Variants in WDR37 observed in about 807,000 individuals in gnomAD.
The protein encoded by WDR37 is WD repeat-containing protein 37.
WDR37 carries 19 observed loss-of-function variants against 62.9 expected under a neutral mutation model. That is an observed-to-expected ratio of 0.30 (90% CI 0.21 to 0.44). WDR37 has a LOEUF of 0.44. Among genes scored for constraint, WDR37 ranks in the 20% least tolerant of loss-of-function variants. The pLI is 1.00. For synonymous variants in WDR37, 250 were observed against 260.9 expected (o/e 0.96, Z 0.40); for missense variants, 474 against 657.6 (o/e 0.72, Z 3.05).
chr10:1,081,926 A>G (rs1834041098), intron 5 of WDR37, among the ~76,000 whole-genome samples: 2 of 152,232 alleles, frequency 1.3e-5, no homozygotes, highest in South Asian at 4.1e-4. Flanking sequence ...GTAAAAAATA[A>G]GATTTGGACA....
At chr10:1,128,759 G>T (rs897445958) in intron 13 of WDR37, among the ~76,000 whole-genome samples, 6 of 152,082 alleles carry the variant, frequency 3.9e-5, no homozygotes, top group Admixed American at 1.3e-4. Flanking sequence ...TGGTGTCTCG[G>T]CATCACTCAT....
At chr10:1,095,336 TAGAG>T (rs1248956362) in intron 8 of WDR37, among the ~76,000 whole-genome samples, 1 of 130,564 alleles carries the variant, frequency 7.7e-6, no homozygotes, top group East Asian at 2.2e-4. Flanking sequence ...GTAATGGGGA[TAGAG>T]AGGAGAGTTA....
In WDR37 at chr10:1,084,519, G is replaced by A; in HGVS notation, c.513G>A (p.Val171=). 6.2e-7 allele frequency: 1 copy of A among 1,614,142 alleles called. No individual in the cohort carries two copies. Among genetic ancestry groups the A allele is most frequent in the Non-Finnish European group, 8.5e-7 (1 of 1,179,996 alleles). ...GCGTGGCCAAGACACAGCCAGTGGT[G>A]CTCGGGACTGCATCAGCCGGTGAGT... ...DVSVAKTQPV[V]LGTASADHTA... is the part of the protein sequence containing the mutation. The change falls in exon 6 of 14, where the codon GTG becomes GTA. Residue 171 remains valine, a synonymous_variant. Transcript: ENST00000263150.
chr10:1,124,306 A>G lies in WDR37; in HGVS notation c.1192A>G (p.Met398Val). Residue 398 changes from methionine (M) to valine (V), a missense_variant, in exon 12 of 14, where the codon ATG becomes GTG. Coordinates refer to ENST00000263150, the MANE Select transcript of WDR37 (RefSeq NM_014023.4). The stretch of plus-strand genomic sequence containing the variant: ...GGTGAAAGTCTGGGACTTGAAAAAT[A>G]TGAGATCCCCCATTGCAACTATTCG... ...RTVKVWDLKN[M>V]RSPIATIRTD... 6.2e-7 allele frequency: 1 copy of G among 1,614,242 alleles called. No individual in the cohort carries two copies. The highest frequency in any genetic ancestry group is 8.5e-7 in the Non-Finnish European group (1 of 1,180,046).
intron 9 of WDR37, among the ~76,000 whole-genome samples, chr10:1,100,317 C>G (rs1388584101): frequency 6.6e-6 from 1 of 152,058 alleles, no homozygotes; most frequent in African/African-American, 2.4e-5. Context: ...TGGGCCCTCC[C>G]TAATAAGGAG....
At chr10:1,093,035 A>G (rs1311336232) in intron 7 of WDR37, among the ~76,000 whole-genome samples, 1 of 152,082 alleles carries the variant, frequency 6.6e-6, no homozygotes, top group Non-Finnish European at 1.5e-5. Context: ...TAGTCACAGA[A>G]CAGACTGGGG....
intron 1 of WDR37, among the ~76,000 whole-genome samples, chr10:1,067,491 G>A (rs950413766): frequency 1.1e-4 from 16 of 152,132 alleles, no homozygotes; most frequent in Admixed American, 5.9e-4. Flanking sequence ...GCAACAGATT[G>A]GGAGAAATGA....
chr10:1,068,684 G>C (rs1213483375), intron 1 of WDR37, among the ~76,000 whole-genome samples: 2 of 152,060 alleles, frequency 1.3e-5, no homozygotes, highest in Admixed American at 6.5e-5. Context: ...CTGATAGTTT[G>C]ACACTCTTAG....
intron 6 of WDR37, among the ~76,000 whole-genome samples, chr10:1,085,474 G>A (rs1360969436): frequency 1.3e-5 from 2 of 152,202 alleles, no homozygotes; most frequent in Non-Finnish European, 2.9e-5. Flanking sequence ...AGTGTGGAAA[G>A]TGACCCTTTG....
chr10:1,126,721 T>C (rs1835795804), intron 13 of WDR37, among the ~76,000 whole-genome samples: 2 of 152,020 alleles, frequency 1.3e-5, no homozygotes, highest in South Asian at 2.1e-4. Flanking sequence ...GGCCGGGTGG[T>C]CAGGGAGGCA....
At chr10:1,080,329 T>C in intron 4 of WDR37, 83 bp from the exon 5 acceptor site, 1 of 1,564,334 alleles carries the variant, frequency 6.4e-7, no homozygotes, top group Non-Finnish European at 8.8e-7. Flanking sequence ...CCTTTCTTCC[T>C]GTGCAAGACA....
At chr10:1,087,171 A>T (rs148651711) in intron 7 of WDR37, among the ~76,000 whole-genome samples, 2 of 152,102 alleles carry the variant, frequency 1.3e-5, no homozygotes, top group African/African-American at 4.8e-5. Flanking sequence ...CTTGCCCTGG[A>T]CATTTCCCCT....
intron 11 of WDR37, among the ~76,000 whole-genome samples, chr10:1,107,069 T>C (rs1189923503): frequency 6.6e-6 from 1 of 152,230 alleles, no homozygotes; most frequent in Non-Finnish European, 1.5e-5. Flanking sequence ...AGCACTGTGT[T>C]GTTGCTGCAT....
rs549253200 is a variant in WDR37 at position 1,126,262 on chromosome 10, C to T, written c.1353+1238C>T. Among the ~76,000 whole-genome samples, 417 of 151,950 alleles carry T rather than the reference C, an allele frequency of 2.7e-3. 1 individual carries two copies. Among genetic ancestry groups the T allele is most frequent in the African/African-American group, 9.5e-3 (392 of 41,440 alleles). On this transcript the variant is annotated intron_variant, in intron 13 of 13. Coordinates refer to ENST00000263150, the MANE Select transcript of WDR37 (RefSeq NM_014023.4). Reference sequence around the variant, plus strand: ...CTAATAAAAATACAAAAAAATCAGCCAGGCGTGGTGGCGGGCGTCTGTAGT... The same window carrying T: ...CTAATAAAAATACAAAAAAATCAGCTAGGCGTGGTGGCGGGCGTCTGTAGT...
At chr10:1,104,573 T>C (rs1589110851) in intron 10 of WDR37, among the ~76,000 whole-genome samples, 1 of 152,254 alleles carries the variant, frequency 6.6e-6, no homozygotes, top group East Asian at 1.9e-4. Context: ...ATCTGCAAAA[T>C]CCTTTTTGCC....
intron 3 of WDR37, among the ~76,000 whole-genome samples, chr10:1,079,662 G>C (rs1564500133): frequency 3.3e-5 from 5 of 151,864 alleles, no homozygotes. Flanking sequence ...AGCCTCCTGA[G>C]TAGCTGGGAT....
At position 1,125,029 on chromosome 10, in the gene WDR37, C is replaced by T; in HGVS notation, c.1353+5C>T. The T allele has an allele frequency of 1.2e-6, 2 of 1,614,182 alleles. No individual in the cohort carries two copies. Among genetic ancestry groups the T allele is most frequent in the Non-Finnish European group, 1.7e-6 (2 of 1,180,018 alleles). On this transcript the variant is annotated splice_donor_5th_base_variant and intron_variant, in intron 13 of 13. Transcript: ENST00000263150. ...CTTCCCCGGAGCAGCCGACAGGTAA[C>T]AGCACGGTCGGTGAACATATGCAGG...
rs921018716 is a variant in WDR37, at chr10:1,106,221, T to C, written c.1103+954T>C. On this transcript the variant is annotated intron_variant, in intron 11 of 13. Coordinates refer to ENST00000263150, the MANE Select transcript of WDR37 (RefSeq NM_014023.4). ...CCTAGAGTGTTCCCTGGTTCTTCTC[T>C]TTTAATCTCTGTTCCCCGTTCCCCC... 3.9e-5 allele frequency among the ~76,000 whole-genome samples: 6 copies of C among 152,226 alleles called. No homozygotes were observed. The South Asian group carries it at 1.2e-3, about 32-fold the overall frequency.
chr10:1,061,877 G>C (rs1001025373), intron 1 of WDR37, among the ~76,000 whole-genome samples: 2 of 151,890 alleles, frequency 1.3e-5, no homozygotes, highest in Non-Finnish European at 1.5e-5. Context: ...ACGTGCATGA[G>C]GTATACATGA....
Sources: allele counts gnomAD v4.1 joint callset (sites outside exome capture counted in the v4.1 genomes callset), GRCh38; gene constraint gnomAD v4.1.1; transcripts MANE v1.5; gene names NCBI Gene and HGNC (gene_info 2026-07-23, HGNC 2026-07-21).